The following PARP15 variants were observed in gnomAD, a reference collection of about 807,000 sequenced individuals.
The protein encoded by PARP15 is poly(ADP-ribose) polymerase family member 15, also known as protein mono-ADP-ribosyltransferase PARP15.
Under a neutral mutation model 62.1 loss-of-function variants are expected in PARP15, and 50 were observed. The ratio of observed to expected loss-of-function variants is 0.81; its 90% CI spans 0.64 to 1.02. The LOEUF is 1.02. Among genes scored for constraint, PARP15 ranks in the 50% least tolerant of loss-of-function variants. The pLI is 0.00. For missense variants in PARP15, 820 were observed against 826.5 expected (o/e 0.99, Z 0.10); for synonymous variants, 309 against 293.1 (o/e 1.05, Z -0.55).
intron 2 of PARP15, among the ~76,000 whole-genome samples, chr3:122,608,213 CTTTTT>C (rs71136576): frequency 1.6e-4 from 18 of 113,910 alleles, no homozygotes; most frequent in African/African-American, 4.4e-4. Flanking sequence ...TTTCTCTTTT[CTTTTT>C]TTTTTTTTTT....
intron 1 of PARP15, among the ~76,000 whole-genome samples, chr3:122,589,679 T>A (rs1485271690): frequency 6.6e-6 from 1 of 152,192 alleles, no homozygotes; most frequent in African/African-American, 2.4e-5. Context: ...ATATCTTCCT[T>A]TAAGAAATGT....
In PARP15 at chr3:122,637,666, G is replaced by A. The variant is rs1414137651; in HGVS notation, c.*1566G>A. ...CTCACCAAACTCACTCATAATTCCA[G>A]CACTAAGGGAAAACCACTGCCAATT... On this transcript the variant is annotated 3_prime_UTR_variant, in exon 12 of 12. Coordinates refer to ENST00000464300, the MANE Select transcript of PARP15 (RefSeq NM_001113523.3). 1.3e-5 allele frequency: 2 copies of A among 152,068 alleles called. No individual in the cohort carries two copies. The highest frequency in any genetic ancestry group is 6.6e-5 in the Admixed American group (1 of 15,254). 9.4% of individuals were successfully genotyped at this position (152,068 alleles called of 1,614,324 possible).
intron 7 of PARP15, chr3:122,621,232 C>A (rs1936318398): frequency 1.9e-6 from 1 of 515,710 alleles, no homozygotes; most frequent in South Asian, 2.6e-5. Context: ...TGAACAGCAC[C>A]CCAAATACTC....
At chr3:122,632,248 A>G (rs567565628) in intron 10 of PARP15, 29 bp downstream of exon 10, 1 of 1,599,818 alleles carries the variant, frequency 6.3e-7, no homozygotes, top group African/African-American at 1.3e-5. Context: ...TTACTGTTCA[A>G]AAATGTTGAT....
At chr3:122,585,758 A>G (rs1933376243) in intron 1 of PARP15, among the ~76,000 whole-genome samples, 1 of 152,184 alleles carries the variant, frequency 6.6e-6, no homozygotes, top group African/African-American at 2.4e-5. Context: ...GATTTATCAC[A>G]TGGACTCCAT....
intron 1 of PARP15, among the ~76,000 whole-genome samples, chr3:122,597,805 C>T (rs1353873898): frequency 2.6e-5 from 4 of 152,002 alleles, no homozygotes; most frequent in African/African-American, 9.7e-5. Flanking sequence ...TTCTTGGACC[C>T]CAAGCAATGC....
At chr3:122,579,993 CTATATGTATATA>C (rs1198060179) in intron 1 of PARP15, among the ~76,000 whole-genome samples, 3 of 70,828 alleles carry the variant, frequency 4.2e-5, no homozygotes, top group African/African-American at 1.2e-4. Context: ...ACAACAGCAA[CTATATGTATATA>C]TATATATATA....
At chr3:122,600,163 A>G (rs1205797825) in intron 1 of PARP15, among the ~76,000 whole-genome samples, 1 of 152,188 alleles carries the variant, frequency 6.6e-6, no homozygotes, top group Non-Finnish European at 1.5e-5. Context: ...CTTCATTGCT[A>G]TCACCTCTGA....
chr3:122,608,246 T>G (rs1421235087), intron 2 of PARP15, among the ~76,000 whole-genome samples: 1 of 148,602 alleles, frequency 6.7e-6, no homozygotes, highest in Non-Finnish European at 1.5e-5. Flanking sequence ...ATACTGAGTC[T>G]TGCTCTGTCG....
chr3:122,637,832 G>C lies in PARP15; in HGVS notation c.*1732G>C, dbSNP rs1325890145. On this transcript the variant is annotated 3_prime_UTR_variant, in exon 12 of 12. Transcript: ENST00000464300. The stretch of plus-strand genomic sequence containing the variant: ...TTTTTATTATACTTTAAGTTTTAGG[G>C]TACATGTGCACAATGTGCAGTTTAG... 1 of 151,656 alleles carries C rather than the reference G, an allele frequency of 6.6e-6. No individual in the cohort carries two copies. The highest frequency in any genetic ancestry group is 2.4e-5 in the African/African-American group (1 of 41,214). The allele number at this position is 151,656 out of a possible 1,614,324, so 9.4% of individuals were successfully genotyped here.
At chr3:122,581,066 G>T (rs1360614145) in intron 1 of PARP15, among the ~76,000 whole-genome samples, 4 of 152,170 alleles carry the variant, frequency 2.6e-5, no homozygotes, top group Non-Finnish European at 4.4e-5. Flanking sequence ...TAAGTGTATA[G>T]TAGGCTATAC....
chr3:122,621,176 AG>A, intron 7 of PARP15, among the ~76,000 whole-genome samples: 1 of 152,140 alleles, frequency 6.6e-6, no homozygotes, highest in Non-Finnish European at 1.5e-5. Context: ...CCTGCCTCAT[AG>A]GCTTGTTTTG....
intron 1 of PARP15, among the ~76,000 whole-genome samples, chr3:122,594,359 A>T (rs1934174819): frequency 6.6e-6 from 1 of 152,240 alleles, no homozygotes; most frequent in African/African-American, 2.4e-5. Flanking sequence ...ATATCAAGGT[A>T]TGGGTAAGTT....
At chr3:122,592,670 C>T (rs1934018598) in intron 1 of PARP15, among the ~76,000 whole-genome samples, 1 of 150,884 alleles carries the variant, frequency 6.6e-6, no homozygotes, top group South Asian at 2.1e-4. Flanking sequence ...GAAAGTCAAG[C>T]ATGCACATAG....
chr3:122,577,878 G>T (rs1259224061), intron 1 of PARP15, 25 bp downstream of exon 1: 2 of 1,525,984 alleles, frequency 1.3e-6, no homozygotes, highest in South Asian at 1.3e-5. Context: ...GGACGGGTGC[G>T]GGAAGGGGAC....
chr3:122,613,104 AC>A lies in PARP15; in HGVS notation c.608del (p.Thr203AsnfsTer4). The A allele has an allele frequency of 6.4e-7, 1 of 1,551,828 alleles. No individual in the cohort carries two copies. The highest frequency in any genetic ancestry group is 2.4e-5 in the East Asian group (1 of 40,922). Reference protein sequence around the residue: ...TVEVLSFSSITFPMIGTGSLQ... With the variant: ...TVEVLSFSSIXFPMIGTGSLQ... ...AGAAGTGCTATCTTTCTCATCAATC[AC>A]ATTTCCCATGATTGGAACAGGAAGT... is the stretch of plus-strand genomic sequence containing the variant. On this transcript the variant is annotated frameshift_variant, in exon 4 of 12. Transcript: ENST00000464300. LOFTEE classifies it high-confidence loss of function.
In PARP15 at chr3:122,592,206, A is replaced by T. The variant is rs550423351; in HGVS notation, c.187-13730A>T. ...GAATCAACCCAGATGCCCAATGATG[A>T]TAGACTGAATAAAGAAAATATGGTA... On this transcript the variant is annotated intron_variant, in intron 1 of 11. Coordinates refer to ENST00000464300, the MANE Select transcript of PARP15 (RefSeq NM_001113523.3). 3.3e-5 allele frequency among the ~76,000 whole-genome samples: 5 copies of T among 152,348 alleles called. No homozygotes were observed. The South Asian group carries it at 1.0e-3, about 32-fold the overall frequency.
chr3:122,629,985 C>A (rs1294719244), intron 9 of PARP15, among the ~76,000 whole-genome samples: 1 of 152,218 alleles, frequency 6.6e-6, no homozygotes, highest in South Asian at 2.1e-4. Context: ...TCCTGCTGGG[C>A]AGTCTGCTTC....
chr3:122,578,969 T>C (rs1432949788), intron 1 of PARP15, among the ~76,000 whole-genome samples: 1 of 152,224 alleles, frequency 6.6e-6, no homozygotes, highest in East Asian at 1.9e-4. Flanking sequence ...AAGGAAAATT[T>C]GCCTCCAAAT....
Sources: allele counts gnomAD v4.1 joint callset (sites outside exome capture counted in the v4.1 genomes callset), GRCh38; gene constraint gnomAD v4.1.1; transcripts MANE v1.5; gene names NCBI Gene and HGNC (gene_info 2026-07-23, HGNC 2026-07-21).